Variants in ZBTB46 observed in about 807,000 individuals in gnomAD.
ZBTB46 encodes the protein zinc finger and BTB domain-containing protein 46.
In ZBTB46, 8 loss-of-function variants were observed where a neutral mutation model predicts 44.1. The ratio of observed to expected loss-of-function variants is 0.18; its 90% CI spans 0.11 to 0.33. The LOEUF (loss-of-function observed/expected upper bound fraction) is 0.33, where lower values mean the gene tolerates loss of function less well. Among genes scored for constraint, ZBTB46 ranks in the 10% least tolerant of loss-of-function variants. The pLI, the probability that ZBTB46 is intolerant of heterozygous loss-of-function variation, is 1.00. For missense variants in ZBTB46, 651 were observed against 847.7 expected (o/e 0.77, Z 2.88); for synonymous variants, 409 against 382.3 (o/e 1.07, Z -0.81).
At chr20:63,827,823 A>G (rs1313196777) in intron 1 of ZBTB46, among the ~76,000 whole-genome samples, 1 of 152,252 alleles carries the variant, frequency 6.6e-6, no homozygotes, top group African/African-American at 2.4e-5. Flanking sequence ...AGAACCATTC[A>G]ACAGAACACT....
upstream of ZBTB46, among the ~76,000 whole-genome samples, chr20:63,831,572 C>T (rs1461636880): frequency 6.7e-6 from 1 of 148,966 alleles, no homozygotes; most frequent in East Asian, 2.0e-4. Flanking sequence ...GAAGCCCCCT[C>T]CCCTGGGCTG....
intron 2 of ZBTB46, 67 bp downstream of exon 2, chr20:63,789,754 C>T (rs1054320184): frequency 2.8e-5 from 43 of 1,538,824 alleles, no homozygotes; most frequent in Middle Eastern, 3.6e-4. Flanking sequence ...TGCCTCCGCA[C>T]AGCACGCGGC....
In ZBTB46 at chr20:63,831,077, A is replaced by T. The variant is rs1183349664; in HGVS notation, c.-34+20T>A. The T allele has an allele frequency of 7.4e-6, 1 of 134,856 alleles. No individual in the cohort carries two copies. The highest frequency in any genetic ancestry group is 1.6e-5 in the Non-Finnish European group (1 of 61,998). The allele number at this position is 134,856 out of a possible 1,614,324, so 8.4% of individuals were successfully genotyped here. A position where few individuals can be genotyped will look rare whatever the true frequency, so the allele number is the denominator to read the frequency against. Reference sequence around the variant, plus strand: ...GATGCGCCCGCCCGGCCGCGCGGACAATGAGCCGGCGCCGCTTACCTGTGA... The same window carrying T: ...GATGCGCCCGCCCGGCCGCGCGGACTATGAGCCGGCGCCGCTTACCTGTGA... On this transcript the variant is annotated intron_variant, in intron 1 of 4. Coordinates refer to ENST00000245663, the MANE Select transcript of ZBTB46 (RefSeq NM_001369741.1).
At chr20:63,770,483 T>C (rs750304498) in intron 3 of ZBTB46, among the ~76,000 whole-genome samples, 6 of 152,146 alleles carry the variant, frequency 3.9e-5, no homozygotes, top group Non-Finnish European at 7.3e-5. Flanking sequence ...GAAACTGCCA[T>C]CTGTTTAATT....
chr20:63,830,625 G>T (rs1377386314), intron 1 of ZBTB46, among the ~76,000 whole-genome samples: 3 of 149,914 alleles, frequency 2.0e-5, no homozygotes, highest in African/African-American at 4.9e-5. Context: ...TGTGCCGGCG[G>T]GGGGCGCGGG....
At chr20:63,783,863 A>C (rs2145901707) in intron 2 of ZBTB46, among the ~76,000 whole-genome samples, 1 of 152,346 alleles carries the variant, frequency 6.6e-6, no homozygotes, top group South Asian at 2.1e-4. Context: ...TCAACAGAAC[A>C]ATCAGATCTG....
intron 2 of ZBTB46, among the ~76,000 whole-genome samples, chr20:63,789,522 G>A (rs1291852257): frequency 1.3e-5 from 2 of 152,042 alleles, no homozygotes; most frequent in African/African-American, 4.8e-5. Context: ...CCCACCCCCC[G>A]GCTCACGTCC....
At chr20:63,830,518 C>T (rs1224804748) in intron 1 of ZBTB46, among the ~76,000 whole-genome samples, 1 of 150,402 alleles carries the variant, frequency 6.6e-6, no homozygotes, top group East Asian at 2.0e-4. Context: ...GAGACAATGA[C>T]CCCCCGGCCT....
intron 2 of ZBTB46, among the ~76,000 whole-genome samples, chr20:63,789,409 G>A (rs920203097): frequency 7.2e-5 from 11 of 152,190 alleles, no homozygotes; most frequent in Admixed American, 2.0e-4. Flanking sequence ...GCGGCCAGTC[G>A]AGTTACCCCA....
chr20:63,806,618 T>C (rs2092683197), intron 1 of ZBTB46, among the ~76,000 whole-genome samples: 1 of 152,076 alleles, frequency 6.6e-6, no homozygotes, highest in Non-Finnish European at 1.5e-5. Flanking sequence ...GGAATCTTTC[T>C]CTTTTTTTGA....
chr20:63,821,316 T>C (rs1467337267), intron 1 of ZBTB46, among the ~76,000 whole-genome samples: 12 of 151,676 alleles, frequency 7.9e-5, no homozygotes, highest in Admixed American at 2.6e-4. Flanking sequence ...TGGCCATTAT[T>C]ACTATTATTA....
At chr20:63,768,820 C>T (rs2092342612) in intron 3 of ZBTB46, among the ~76,000 whole-genome samples, 1 of 152,094 alleles carries the variant, frequency 6.6e-6, no homozygotes, top group Non-Finnish European at 1.5e-5. Context: ...GGGCAGTGGC[C>T]TCCGAGTCGG....
At chr20:63,829,205 C>T (rs1028180562) in intron 1 of ZBTB46, among the ~76,000 whole-genome samples, 11 of 152,174 alleles carry the variant, frequency 7.2e-5, no homozygotes, top group Admixed American at 1.3e-4. Context: ...TGGAACTGAC[C>T]TGGGGGCCCT....
intron 1 of ZBTB46, among the ~76,000 whole-genome samples, chr20:63,795,356 G>C (rs372772786): frequency 3.3e-5 from 5 of 152,352 alleles, no homozygotes; most frequent in African/African-American, 1.2e-4. Context: ...CCGACAACCA[G>C]GTGCACGGGA....
chr20:63,806,603 AT>A (rs1413495981), intron 1 of ZBTB46, among the ~76,000 whole-genome samples: 4 of 152,064 alleles, frequency 2.6e-5, no homozygotes, highest in Non-Finnish European at 5.9e-5. Context: ...CTCAAGGAAT[AT>A]GATGGAATCT....
chr20:63,752,981 C>T lies in ZBTB46; in HGVS notation c.1223-120G>A, dbSNP rs1235605049. 1 of 1,126,016 alleles carries T rather than the reference C, an allele frequency of 8.9e-7. No homozygotes were observed. The highest frequency in any genetic ancestry group is 1.2e-6 in the Non-Finnish European group (1 of 811,614). 69.8% of individuals were successfully genotyped at this position (1,126,016 alleles called of 1,614,324 possible). A position where few individuals can be genotyped will look rare whatever the true frequency, so the allele number is the denominator to read the frequency against. On this transcript the variant is annotated intron_variant, in intron 3 of 4. Transcript: ENST00000245663. This position sits in a 1 kb window ranked among gnomAD's most constrained non-coding sequence, Gnocchi z 5.6. ...GGACGGGCTGTCTCCCACGGCCACC[C>T]ACTGGGGGCTGGTCAGCACTGCGAC...
intron 3 of ZBTB46, among the ~76,000 whole-genome samples, chr20:63,769,023 T>C (rs941328881): frequency 2.0e-5 from 3 of 152,226 alleles, no homozygotes; most frequent in Admixed American, 2.0e-4. Flanking sequence ...ACAATTACTA[T>C]TGCAAAAGCG....
intron 3 of ZBTB46, among the ~76,000 whole-genome samples, chr20:63,766,961 A>G (rs1371950804): frequency 6.6e-6 from 1 of 152,090 alleles, no homozygotes; most frequent in Non-Finnish European, 1.5e-5. Context: ...GGGGATGCCT[A>G]TCCCCCTCCT....
intron 2 of ZBTB46, among the ~76,000 whole-genome samples, chr20:63,787,000 C>T (rs904485259): frequency 6.6e-6 from 1 of 152,092 alleles, no homozygotes; most frequent in Non-Finnish European, 1.5e-5. Flanking sequence ...CAGTGCAGGA[C>T]GCACAGCAAC....
Sources: gnomAD v4.1 joint callset for allele counts (sites outside exome capture counted in the v4.1 genomes callset) on GRCh38, gnomAD v4.1.1 for gene constraint, Gnocchi (gnomAD v3.1) non-coding constraint, MANE v1.5 for transcripts, NCBI Gene and HGNC (gene_info 2026-07-23, HGNC 2026-07-21) for gene names.